Variants in ANO9 observed in about 807,000 individuals in gnomAD.
The protein encoded by ANO9 is anoctamin-9.
In ANO9, 80 loss-of-function variants were observed where a neutral mutation model predicts 100.5. The ratio of observed to expected loss-of-function variants is 0.80; its 90% CI spans 0.66 to 0.96. ANO9 has a LOEUF of 0.96. Ranked by LOEUF, ANO9 falls within the 40% of genes least tolerant of loss-of-function variation. ANO9 has a pLI of 0.00. For missense variants in ANO9, 1,064 were observed against 1,072.7 expected (o/e 0.99, Z 0.11); for synonymous variants, 473 against 435.6 (o/e 1.09, Z -1.07).
At position 428,826 on chromosome 11, in the gene ANO9, C is replaced by T. The variant is rs956799340; in HGVS notation, c.916G>A (p.Glu306Lys). 2 of 1,612,918 alleles carry T rather than the reference C, an allele frequency of 1.2e-6. No homozygotes were observed. The highest frequency in any genetic ancestry group is 1.3e-5 in the African/African-American group (1 of 75,036). ...TTAATGAGCTGAAGTGCCATTTCCT[C>T]CTGGGGAGAGCACCGGGCAAGCCTC... is the stretch of plus-strand genomic sequence containing the variant. Reference protein sequence around the residue: ...WDLYVWDEEQEEMALQLINCP... With the variant: ...WDLYVWDEEQKEMALQLINCP... The change falls in exon 12 of 23, where the codon GAG becomes AAG. Residue 306 changes from glutamate (E) to lysine (K), a missense_variant and splice_region_variant. By Grantham distance (56) the Glu-to-Lys change is moderately conservative (BLOSUM62 1). Transcript: ENST00000332826.
At chr11:426,024 G>A (rs1283892317) in intron 15 of ANO9, among the ~76,000 whole-genome samples, 8 of 152,030 alleles carry the variant, frequency 5.3e-5, no homozygotes, top group Admixed American at 3.3e-4. Context: ...GAGCCACCTC[G>A]CCCAGCCCCT....
In ANO9 at chr11:428,558, G is replaced by T. The variant is rs757601597; in HGVS notation, c.1102C>A (p.Pro368Thr). 2 of 1,612,656 alleles carry T rather than the reference G, an allele frequency of 1.2e-6. No individual in the cohort carries two copies. Among genetic ancestry groups the T allele is most frequent in the Non-Finnish European group, 1.7e-6 (2 of 1,179,914 alleles). The part of the protein sequence containing the change: ...ASALFSSSAV[P>T]FLEEQVTTAV... ...GTGGTCACCTGCTCCTCCAGGAAGG[G>T]CACGGCCGAGCTGCTGAAGAGCGCG... Residue 368 changes from proline (P) to threonine (T), a missense_variant, in exon 13 of 23, where the codon CCC becomes ACC. Coordinates refer to ENST00000332826, the MANE Select transcript of ANO9 (RefSeq NM_001012302.3).
At chr11:424,602 C>T (rs1459265297) in intron 15 of ANO9, among the ~76,000 whole-genome samples, 2 of 152,156 alleles carry the variant, frequency 1.3e-5, no homozygotes, top group Non-Finnish European at 2.9e-5. Context: ...CAATTCAGTT[C>T]CTTGGTCTTT....
rs949768679 is a variant in ANO9 at position 421,369 on chromosome 11, C to G, written c.1335-171G>C. 1.7e-6 allele frequency: 1 copy of G among 599,928 alleles called. No homozygotes were observed. The highest frequency in any genetic ancestry group is 2.5e-5 in the South Asian group (1 of 40,362). The allele number at this position is 599,928 out of a possible 1,614,324, so 37.2% of individuals were successfully genotyped here. A position where few individuals can be genotyped will look rare whatever the true frequency, so the allele number is the denominator to read the frequency against. On this transcript the variant is annotated intron_variant, in intron 15 of 22. Transcript: ENST00000332826. This position sits in a 1 kb window ranked among gnomAD's most constrained non-coding sequence, Gnocchi z 6.8. ...GATGAACCGCACCCGCACGTGGGCA[C>G]GCACACACACACACACACACACAGG... is the stretch of plus-strand genomic sequence containing the variant.
At chr11:440,133 G>A (rs576679734) in intron 1 of ANO9, among the ~76,000 whole-genome samples, 5 of 152,156 alleles carry the variant, frequency 3.3e-5, no homozygotes, top group Admixed American at 6.5e-5. Flanking sequence ...GCACCTCCCA[G>A]GGACTCAGCA....
intron 15 of ANO9, among the ~76,000 whole-genome samples, chr11:427,724 TCTC>T (rs199833045): frequency 0.017 from 2,512 of 152,058 alleles, 54 homozygotes; most frequent in African/African-American, 0.047. Flanking sequence ...TCTCTCTCTC[TCTC>T]ATATATACAT....
intron 1 of ANO9, among the ~76,000 whole-genome samples, 175 bp from the exon 2 acceptor site, chr11:434,273 TACAA>T (rs1849278602): frequency 6.6e-6 from 1 of 152,100 alleles, no homozygotes; most frequent in Non-Finnish European, 1.5e-5. Context: ...GAGGGCCTGC[TACAA>T]ACAACCGACG....
chr11:439,438 T>C (rs886452734), intron 1 of ANO9, among the ~76,000 whole-genome samples: 1 of 107,884 alleles, frequency 9.3e-6, no homozygotes, highest in Non-Finnish European at 1.8e-5. Flanking sequence ...GAGATGGTTG[T>C]GCAGATATGA....
intron 1 of ANO9, among the ~76,000 whole-genome samples, chr11:434,393 A>G (rs1421447077): frequency 6.6e-6 from 1 of 152,224 alleles, no homozygotes; most frequent in Non-Finnish European, 1.5e-5. Flanking sequence ...CACGCTGAGC[A>G]GCCCACAGGG....
Position 420,743 on chromosome 11 carries a change from G to C in ANO9, c.1608C>G (p.Ser536Arg). The C allele has an allele frequency of 6.2e-7, 1 of 1,608,486 alleles. No homozygotes were observed. Among genetic ancestry groups the C allele is most frequent in the South Asian group, 1.1e-5 (1 of 90,802 alleles). ...TCATCTCCATGAACTCGTCGAACAG[G>C]CTGAAGGTGTTGACCGGGTTCAGAA... is the stretch of plus-strand genomic sequence containing the variant. ...NYLLNPVNTF[S>R]LFDEFMEMMI... The change falls in exon 18 of 23, where the codon AGC becomes AGG. Residue 536 changes from serine (S) to arginine (R), a missense_variant. Ser to Arg is a moderately radical substitution (Grantham distance 110). Transcript: ENST00000332826.
intron 1 of ANO9, among the ~76,000 whole-genome samples, chr11:441,697 G>T (rs1315239437): frequency 2.6e-5 from 4 of 152,098 alleles, no homozygotes; most frequent in Non-Finnish European, 5.9e-5. Context: ...GAGGAACGCC[G>T]CCCGCCTCCA....
At chr11:425,105 CGGG>C in intron 15 of ANO9, among the ~76,000 whole-genome samples, 1 of 48,160 alleles carries the variant, frequency 2.1e-5, no homozygotes, top group South Asian at 5.6e-4. Context: ...CGTGGAGAGA[CGGG>C]ACGCGCGGGA....
intron 14 of ANO9, 22 bp from the exon 15 acceptor site, chr11:428,221 C>T: frequency 6.2e-7 from 1 of 1,610,938 alleles, no homozygotes; most frequent in Non-Finnish European, 8.5e-7. Context: ...CCGGCCCTCA[C>T]CTCTCTCCCT....
rs774256376 is a variant in ANO9 at position 418,350 on chromosome 11, G to A, written c.*21C>T. The stretch of plus-strand genomic sequence containing the variant: ...GGTGGCACTGTCTCAGCTCCTGGTG[G>A]CCTCTGGACGGGCTCTGGCCCTACA... On this transcript the variant is annotated 3_prime_UTR_variant, in exon 23 of 23. Coordinates refer to ENST00000332826, the MANE Select transcript of ANO9 (RefSeq NM_001012302.3). 2 of 1,561,772 alleles carry A rather than the reference G, an allele frequency of 1.3e-6. No homozygotes were observed. The highest frequency in any genetic ancestry group is 1.7e-6 in the Non-Finnish European group (2 of 1,154,496).
Position 430,126 on chromosome 11 carries a change from C to T in ANO9, c.728G>A (p.Ser243Asn), listed in dbSNP as rs1848805631. The T allele has an allele frequency of 3.9e-6, 6 of 1,553,380 alleles. No individual in the cohort carries two copies. The highest frequency in any genetic ancestry group is 5.2e-6 in the Non-Finnish European group (6 of 1,148,998). ...TTCCGAGAGCCGCTGGTACCTGCGG[C>T]TGTGGTCGCCGAGGGGACACATGAG... Reference protein sequence around the residue: ...DILMCPLGDHSRRYQRLSETC... With the variant: ...DILMCPLGDHNRRYQRLSETC... Residue 243 changes from serine to asparagine, a missense_variant, in exon 9 of 23, where the codon AGC (serine) becomes AAC (asparagine). Transcript: ENST00000332826.
intron 15 of ANO9, among the ~76,000 whole-genome samples, chr11:423,736 G>A (rs971728819): frequency 5.2e-4 from 79 of 152,072 alleles, no homozygotes; most frequent in African/African-American, 1.8e-3. Flanking sequence ...TCACTACATT[G>A]CCCAGGCTGG....
At chr11:419,249 G>T in intron 20 of ANO9, 1 of 1,421,728 alleles carries the variant, frequency 7.0e-7, no homozygotes, top group Non-Finnish European at 9.2e-7. Flanking sequence ...CAGTTTGGTG[G>T]CTCCTCGAGG....
chr11:420,538 C>G lies in ANO9; in HGVS notation c.1711G>C (p.Val571Leu). 6.2e-7 allele frequency: 1 copy of G among 1,606,294 alleles called. No homozygotes were observed. The highest frequency in any genetic ancestry group is 1.3e-5 in the African/African-American group (1 of 75,030). Residue 571 changes from valine to leucine, a missense_variant, in exon 19 of 23, where the codon GTG becomes CTG. Val to Leu is a conservative substitution (Grantham distance 32, BLOSUM62 1). Transcript: ENST00000332826. ...APLLALFSNL[V>L]EIRLDAIKMV... is the part of the protein sequence containing the mutation. Reference sequence around the variant, plus strand: ...TTGATGGCGTCCAGGCGGATCTCCACGAGGTTGCTGAAGAGCGCGAGCAGC... The same window carrying G: ...TTGATGGCGTCCAGGCGGATCTCCAGGAGGTTGCTGAAGAGCGCGAGCAGC...
intron 4 of ANO9, 38 bp downstream of exon 4, chr11:433,276 G>C: frequency 6.2e-7 from 1 of 1,601,834 alleles, no homozygotes; most frequent in East Asian, 2.2e-5. Flanking sequence ...AGGTGGCAAG[G>C]GGTTCTCCTG....
Sources: gnomAD v4.1 joint callset for allele counts (sites outside exome capture counted in the v4.1 genomes callset) on GRCh38, gnomAD v4.1.1 for gene constraint, Gnocchi (gnomAD v3.1) non-coding constraint, MANE v1.5 for transcripts, NCBI Gene and HGNC (gene_info 2026-07-23, HGNC 2026-07-21) for gene names.